The following BIRC2 variants were observed in gnomAD, a reference collection of about 807,000 sequenced individuals.
BIRC2 encodes baculoviral IAP repeat-containing protein 2.
Under a neutral mutation model 60.9 loss-of-function variants are expected in BIRC2, and 18 were observed. The observed-to-expected ratio is 0.30, with a 90% confidence interval of 0.20 to 0.44. The LOEUF (loss-of-function observed/expected upper bound fraction) is 0.44, where lower values mean the gene tolerates loss of function less well. Ranked by LOEUF, BIRC2 falls within the 20% of genes least tolerant of loss-of-function variation. The probability of loss-of-function intolerance (pLI) is 1.00; values close to 1 mark genes in which losing one functional copy is unlikely to be tolerated. For missense variants in BIRC2, 701 were observed against 728.5 expected, an observed-to-expected ratio of 0.96 and a Z score of 0.43; for synonymous variants, 282 against 247.7, an observed-to-expected ratio of 1.14 and a Z score of -1.30.
At chr11:102,363,084 A>G in intron 4 of BIRC2, 110 bp downstream of exon 4, 1 of 755,878 alleles carries the variant, frequency 1.3e-6, no homozygotes, top group East Asian at 2.7e-5. Context: ...AGTCATGGCC[A>G]AAACCGTGAT....
At chr11:102,353,523 G>A (rs1370136620) in intron 3 of BIRC2, among the ~76,000 whole-genome samples, 2 of 151,916 alleles carry the variant, frequency 1.3e-5, no homozygotes, top group Non-Finnish European at 2.9e-5. Context: ...TCGCTATGTT[G>A]GCCAGTCTAG....
chr11:102,363,242 TTTG>T (rs1265307535), intron 4 of BIRC2, among the ~76,000 whole-genome samples: 33 of 152,218 alleles, frequency 2.2e-4, no homozygotes, highest in African/African-American at 8.0e-4. Context: ...AGATTGTTTT[TTTG>T]TTTTTACTAT....
At chr11:102,354,767 C>T (rs961475079) in intron 3 of BIRC2, among the ~76,000 whole-genome samples, 4 of 151,944 alleles carry the variant, frequency 2.6e-5, no homozygotes, top group African/African-American at 4.8e-5. Flanking sequence ...TTCTTGTCTC[C>T]GATGATAATA....
At chr11:102,352,147 T>C (rs1356109091) in intron 3 of BIRC2, among the ~76,000 whole-genome samples, 1 of 151,000 alleles carries the variant, frequency 6.6e-6, no homozygotes, top group Non-Finnish European at 1.5e-5. Flanking sequence ...GGAGTCTCAC[T>C]CTGTCACCCA....
At chr11:102,364,330 A>G (rs1371068435) in intron 5 of BIRC2, among the ~76,000 whole-genome samples, 1 of 151,462 alleles carries the variant, frequency 6.6e-6, no homozygotes, top group African/African-American at 2.4e-5. Flanking sequence ...GCAAAAGAAA[A>G]ACAAAAAATA....
At chr11:102,370,068 C>T (rs1379221120) in intron 6 of BIRC2, among the ~76,000 whole-genome samples, 1 of 151,954 alleles carries the variant, frequency 6.6e-6, no homozygotes, top group Non-Finnish European at 1.5e-5. Flanking sequence ...GTTATTAGCC[C>T]TTTGTCAGAT....
intron 6 of BIRC2, 24 bp downstream of exon 6, chr11:102,368,572 G>A (rs757375722): frequency 1.9e-6 from 3 of 1,608,070 alleles, no homozygotes; most frequent in Non-Finnish European, 2.5e-6. Context: ...TTAGTCACCT[G>A]CATTGTTTCT....
At chr11:102,359,164 CTTATAG>C (rs541468745) in intron 3 of BIRC2, among the ~76,000 whole-genome samples, 84 of 152,206 alleles carry the variant, frequency 5.5e-4, no homozygotes, top group African/African-American at 1.5e-3. Flanking sequence ...CATAGAACAT[CTTATAG>C]TTATAGTAGT....
chr11:102,373,118 T>C (rs1160641202), intron 6 of BIRC2, among the ~76,000 whole-genome samples: 4 of 150,844 alleles, frequency 2.7e-5, no homozygotes, highest in African/African-American at 9.8e-5. Flanking sequence ...TGACTCTTTA[T>C]CCAATTTGCC....
intron 3 of BIRC2, among the ~76,000 whole-genome samples, chr11:102,351,710 A>G (rs926574721): frequency 1.4e-5 from 2 of 147,686 alleles, no homozygotes; most frequent in African/African-American, 2.5e-5. Flanking sequence ...TTTTTTTGTC[A>G]TTTACCTCCT....
Position 102,350,221 on chromosome 11 carries a change from T to A in BIRC2, c.367T>A (p.Ser123Thr), listed in dbSNP as rs754374372. 5 of 1,614,090 alleles carry A rather than the reference T, an allele frequency of 3.1e-6. No individual in the cohort carries two copies. The highest frequency in any genetic ancestry group is 3.4e-6 in the Non-Finnish European group (4 of 1,180,052). ...IQNLVSASLG[S>T]TSKNTSPMRN... ...GAATCTGGTTTCAGCTAGTCTGGGA[T>A]CCACCTCTAAGAATACGTCTCCAAT... Residue 123 changes from serine (S) to threonine (T), a missense_variant, in exon 2 of 9, where the codon TCC (serine) becomes ACC (threonine). Transcript: ENST00000227758.
chr11:102,350,989 AAAG>A (rs758042806), intron 3 of BIRC2, 46 bp downstream of exon 3: 47 of 1,572,902 alleles, frequency 3.0e-5, no homozygotes, highest in Non-Finnish European at 3.5e-5. Flanking sequence ...TCTGTGCTTA[AAAG>A]AAGTAGGCAT....
chr11:102,368,908 TG>T (rs1951586022), intron 6 of BIRC2, among the ~76,000 whole-genome samples: 1 of 151,862 alleles, frequency 6.6e-6, no homozygotes, highest in African/African-American at 2.4e-5. Context: ...TTTTTCAACC[TG>T]TTTTTTTTTT....
At position 102,377,733 on chromosome 11, in the gene BIRC2, T is replaced by G. The variant is rs779612372; in HGVS notation, c.1604T>G (p.Leu535Trp). 1 of 1,603,530 alleles carries G rather than the reference T, an allele frequency of 6.2e-7. No individual in the cohort carries two copies. The highest frequency in any genetic ancestry group is 1.8e-5 in the Admixed American group (1 of 56,232). Residue 535 changes from leucine to tryptophan, a missense_variant, in exon 7 of 9, where the codon TTG (leucine) becomes TGG (tryptophan). This residue lies in a region of BIRC2 where 235 missense variants were observed against 208.9 expected (regional missense o/e 1.12). Coordinates refer to ENST00000227758, the MANE Select transcript of BIRC2 (RefSeq NM_001166.5). ...KNCLKEIDST[L>W]YKNLFVDKNM... Reference sequence around the variant, plus strand: ...TGTCTAAAAGAAATTGACTCTACATTGTATAAGAACTTATTTGGTGAGTTT... The same window carrying G: ...TGTCTAAAAGAAATTGACTCTACATGGTATAAGAACTTATTTGGTGAGTTT...
chr11:102,356,681 T>A (rs866526015), intron 3 of BIRC2, among the ~76,000 whole-genome samples: 3,855 of 135,740 alleles, frequency 0.028, 48 homozygotes, highest in Non-Finnish European at 0.045. Flanking sequence ...TTATTATTAA[T>A]TTTTTTTTTT....
chr11:102,356,681 T>TTAA (rs1951425979), intron 3 of BIRC2, among the ~76,000 whole-genome samples: 4 of 136,062 alleles, frequency 2.9e-5, no homozygotes, highest in Non-Finnish European at 4.7e-5. Context: ...TTATTATTAA[T>TTAA]TTTTTTTTTT....
chr11:102,353,722 A>G (rs1402484397), intron 3 of BIRC2, among the ~76,000 whole-genome samples: 1 of 137,396 alleles, frequency 7.3e-6, no homozygotes, highest in East Asian at 2.1e-4. Flanking sequence ...CTCTTAAAAG[A>G]TGCTCTTTCG....
At chr11:102,364,932 A>G (rs958745505) in intron 5 of BIRC2, among the ~76,000 whole-genome samples, 1 of 152,222 alleles carries the variant, frequency 6.6e-6, no homozygotes, top group African/African-American at 2.4e-5. Flanking sequence ...CTGCAGTTCT[A>G]CCATAGGTCC....
chr11:102,377,415 AGGG>A, intron 6 of BIRC2, 78 bp from the exon 7 acceptor site: 1 of 1,239,798 alleles, frequency 8.1e-7, no homozygotes, highest in Non-Finnish European at 1.1e-6. Flanking sequence ...AATTGTTTGT[AGGG>A]TTGGTTATTA....
Sources: gnomAD v4.1 joint callset for allele counts (sites outside exome capture counted in the v4.1 genomes callset) on GRCh38, gnomAD v4.1.1 for gene constraint, gnomAD v4.1.1 regional missense constraint, MANE v1.5 for transcripts, NCBI Gene and HGNC (gene_info 2026-07-23, HGNC 2026-07-21) for gene names.